Variants in IDH3B observed in about 807,000 individuals in gnomAD.
IDH3B encodes isocitrate dehydrogenase (NAD(+)) 3 non-catalytic subunit beta, also known as isocitrate dehydrogenase [NAD] subunit beta, mitochondrial.
Under a neutral mutation model 47.5 loss-of-function variants are expected in IDH3B, and 40 were observed. The observed-to-expected ratio is 0.84, with a 90% CI of 0.65 to 1.10. The LOEUF (loss-of-function observed/expected upper bound fraction) is 1.10, where lower values mean the gene tolerates loss of function less well. IDH3B is among the 50% of genes least tolerant of loss of function. The pLI is 0.00. For synonymous variants in IDH3B, 185 were observed against 191.0 expected (o/e 0.97, Z 0.26); for missense variants, 450 against 505.2 (o/e 0.89, Z 1.05).
At chr20:2,662,771 G>A (rs1419280218) in intron 4 of IDH3B, among the ~76,000 whole-genome samples, 1 of 152,142 alleles carries the variant, frequency 6.6e-6, no homozygotes, top group Non-Finnish European at 1.5e-5. Context: ...TGACCAACAT[G>A]GTGAAACCCC....
Position 2,660,234 on chromosome 20 carries a change from C to T in IDH3B, c.768+29G>A. 6.2e-7 allele frequency: 1 copy of T among 1,613,850 alleles called. No individual in the cohort carries two copies. Among genetic ancestry groups the T allele is most frequent in the Non-Finnish European group, 8.5e-7 (1 of 1,179,746 alleles). On this transcript the variant is annotated intron_variant, in intron 8 of 11. Transcript: ENST00000380843. The surrounding 1 kb of genome is among the most constrained non-coding windows in gnomAD (Gnocchi z 5.6). Reference sequence around the variant, plus strand: ...CCACTCCCCACCCTCCTCCTCCGCCCCATGAGTAGAGATGTGGGGAGGCCT... The same window carrying T: ...CCACTCCCCACCCTCCTCCTCCGCCTCATGAGTAGAGATGTGGGGAGGCCT...
At chr20:2,661,202 T>TGC (rs1555781475) in intron 4 of IDH3B, among the ~76,000 whole-genome samples, 28 of 151,202 alleles carry the variant, frequency 1.9e-4, no homozygotes, top group East Asian at 1.6e-3. Flanking sequence ...TGTGTGTGTG[T>TGC]GCGTGTGTGA....
At chr20:2,661,484 A>G (rs2086947706) in intron 4 of IDH3B, among the ~76,000 whole-genome samples, 1 of 152,156 alleles carries the variant, frequency 6.6e-6, no homozygotes, top group South Asian at 2.1e-4. Flanking sequence ...AACATATTTA[A>G]TTTATGTTGA....
chr20:2,658,476 G>A lies in IDH3B; in HGVS notation c.*275C>T. On this transcript the variant is annotated 3_prime_UTR_variant, in exon 12 of 12. Coordinates refer to ENST00000380843, the MANE Select transcript of IDH3B (RefSeq NM_006899.5). ...GGGCAAGGCAGCAATGACAGCCTCA[G>A]TGAAGTCATGGCAAGTAGCATAGCC... 10 of 1,614,050 alleles carry A rather than the reference G, an allele frequency of 6.2e-6. No individual in the cohort carries two copies. The highest frequency in any genetic ancestry group is 8.5e-6 in the Non-Finnish European group (10 of 1,180,002).
Position 2,663,520 on chromosome 20 carries a change from A to T in IDH3B, c.263T>A (p.Val88Glu). ...CTTCTCCTCAGATGCCATATTCTGC[A>T]CCTCACTCAGGTGGTGCTCCTGGAA... ...VEFQEHHLSEVQNMASEEKLE... is the reference protein window; with the variant it reads ...VEFQEHHLSEEQNMASEEKLE... Residue 88 changes from valine (V) to glutamate (E), a missense_variant, in exon 4 of 12, where the codon GTG becomes GAG. By Grantham distance (121) the Val-to-Glu change is moderately radical. Coordinates refer to ENST00000380843, the MANE Select transcript of IDH3B (RefSeq NM_006899.5). 4 of 1,614,156 alleles carry T rather than the reference A, an allele frequency of 2.5e-6. No individual in the cohort carries two copies. The highest frequency in any genetic ancestry group is 3.4e-6 in the Non-Finnish European group (4 of 1,180,002).
chr20:2,663,465 C>T lies in IDH3B; in HGVS notation c.318G>A (p.Glu106=). Residue 106 remains glutamate, a synonymous_variant, in exon 4 of 12, where the codon GAG becomes GAA. Transcript: ENST00000380843. Reference sequence around the variant, plus strand: ...ACATACCAATGATGGCCACTTTGTTCTCCTTCATGGAACTCAGCACCTGCT... The same window carrying T: ...ACATACCAATGATGGCCACTTTGTTTTCCTTCATGGAACTCAGCACCTGCT... ...KLEQVLSSMK[E]NKVAIIGKIH... is the part of the protein sequence containing the mutation. The T allele has an allele frequency of 5.6e-6, 9 of 1,614,204 alleles. No individual in the cohort carries two copies. The highest frequency in any genetic ancestry group is 7.6e-6 in the Non-Finnish European group (9 of 1,180,032).
chr20:2,660,474 G>A lies in IDH3B; in HGVS notation c.648C>T (p.Val216=), dbSNP rs866204355. ...TKKGRGKVTA[V]HKANIMKLGD... is the part of the protein sequence containing the mutation. The stretch of plus-strand genomic sequence containing the variant: ...CCCCTCACATGATGTTGGCCTTGTG[G>A]ACAGCAGTGACCTTGCCCCGCCCCT... Residue 216 remains valine (V), a synonymous_variant, in exon 7 of 12, where the codon GTC becomes GTT. Transcript: ENST00000380843. This position sits in a 1 kb window ranked among gnomAD's most constrained non-coding sequence, Gnocchi z 5.6. The A allele has an allele frequency of 2.5e-6, 4 of 1,613,760 alleles. No individual in the cohort carries two copies. In the Middle Eastern group the frequency reaches 4.9e-4, roughly 199 times the overall value.
rs760391135 is a variant in IDH3B, at chr20:2,663,788, G to T, written c.118-30C>A. ...ATTGGGGGAAGAGGGGAGAAGTAAA[G>T]ATAGAGCTGGGGCGGGAGCACGGAT... On this transcript the variant is annotated intron_variant, in intron 2 of 11. Transcript: ENST00000380843. 3 of 1,610,686 alleles carry T rather than the reference G, an allele frequency of 1.9e-6. No individual in the cohort carries two copies. In the African/African-American group the frequency reaches 4.0e-5, roughly 22 times the overall value.
In IDH3B at chr20:2,658,534, AATC is replaced by A. The variant is rs750932665; in HGVS notation, c.*214_*216del. Reference sequence around the variant, plus strand: ...TCAGAGGTTCGAACCTGTGGGGGAGAATCATCATCATCCATGTGGCCTGGGCTC... The same window carrying A: ...TCAGAGGTTCGAACCTGTGGGGGAGAATCATCATCCATGTGGCCTGGGCTC... On this transcript the variant is annotated 3_prime_UTR_variant, in exon 12 of 12. Coordinates refer to ENST00000380843, the MANE Select transcript of IDH3B (RefSeq NM_006899.5). The A allele has an allele frequency of 2.8e-4, 449 of 1,613,484 alleles. No homozygotes were observed. The highest frequency in any genetic ancestry group is 2.0e-3 in the Middle Eastern group (12 of 6,062).
At chr20:2,663,303 G>A (rs570649628) in intron 4 of IDH3B, 143 bp downstream of exon 4, 52 of 1,039,082 alleles carry the variant, frequency 5.0e-5, no homozygotes, top group Non-Finnish European at 7.4e-5. Context: ...GGCTCCCAAT[G>A]GGAAGGAACA....
At chr20:2,658,994 C>T (rs1385635723) in intron 11 of IDH3B, 157 bp from the exon 12 acceptor site, 9 of 1,470,660 alleles carry the variant, frequency 6.1e-6, no homozygotes, top group Non-Finnish European at 8.1e-6. Context: ...ATGGGAAGCA[C>T]ATGGACCTGC....
intron 4 of IDH3B, among the ~76,000 whole-genome samples, chr20:2,661,703 G>A (rs1288544525): frequency 4.6e-5 from 7 of 152,178 alleles, no homozygotes; most frequent in Admixed American, 2.6e-4. Context: ...TCCTGCCCTT[G>A]AGAAGCAAAC....
At chr20:2,662,012 T>C (rs1277363613) in intron 4 of IDH3B, among the ~76,000 whole-genome samples, 1 of 151,906 alleles carries the variant, frequency 6.6e-6, no homozygotes, top group African/African-American at 2.4e-5. Context: ...ATTGGAGTGA[T>C]GCATCTACAA....
rs2086911600 is a variant in IDH3B, at chr20:2,660,016, G to C, written c.915+14C>G. ...TGAGGTCAGAGGAAGGGCCGAGGGA[G>C]AAAGCAGCCTCACCGTCTCAAAGAC... On this transcript the variant is annotated intron_variant, in intron 9 of 11. Coordinates refer to ENST00000380843, the MANE Select transcript of IDH3B (RefSeq NM_006899.5). The surrounding 1 kb of genome is among the most constrained non-coding windows in gnomAD (Gnocchi z 5.6). 1 of 1,613,918 alleles carries C rather than the reference G, an allele frequency of 6.2e-7. No homozygotes were observed. The highest frequency in any genetic ancestry group is 8.5e-7 in the Non-Finnish European group (1 of 1,179,958).
At position 2,663,945 on chromosome 20, in the gene IDH3B, G is replaced by A. The variant is rs371841556; in HGVS notation, c.97C>T (p.His33Tyr). 27 of 1,614,020 alleles carry A rather than the reference G, an allele frequency of 1.7e-5. No individual in the cohort carries two copies. Among genetic ancestry groups the A allele is most frequent in the Non-Finnish European group, 2.2e-5 (26 of 1,180,016 alleles). Residue 33 changes from histidine (H) to tyrosine (Y), a missense_variant, in exon 2 of 12, where the codon CAC becomes TAC. His to Tyr is a moderately conservative substitution (Grantham distance 83). Transcript: ENST00000380843. Reference protein sequence around the residue: ...WRGLSTSAAAHAASRSQAEDV... With the variant: ...WRGLSTSAAAYAASRSQAEDV... ...CATACCTGGCTCCGCGATGCAGCGT[G>A]CGCCGCGGCCGAGGTACTCAGACCT... is the stretch of plus-strand genomic sequence containing the variant.
intron 4 of IDH3B, 139 bp downstream of exon 4, chr20:2,663,307 A>C: frequency 2.8e-6 from 3 of 1,070,014 alleles, no homozygotes; most frequent in Non-Finnish European, 4.3e-6. Flanking sequence ...CCCAATGGGA[A>C]GGAACAAATG....
In IDH3B at chr20:2,663,963, T is replaced by A. The variant is rs756206784; in HGVS notation, c.79A>T (p.Ser27Cys). The change falls in exon 2 of 12, where the codon AGT becomes TGT. Residue 27 changes from serine (S) to cysteine (C), a missense_variant. By Grantham distance (112) the Ser-to-Cys change is moderately radical. Transcript: ENST00000380843. ...AGNPGAWRGLSTSAAAHAASR... is the reference protein window; with the variant it reads ...AGNPGAWRGLCTSAAAHAASR... ...GCAGCGTGCGCCGCGGCCGAGGTAC[T>A]CAGACCTCTCCATGCCCCAGGGTTC... The A allele has an allele frequency of 6.2e-7, 1 of 1,614,112 alleles. No homozygotes were observed. The highest frequency in any genetic ancestry group is 1.3e-5 in the African/African-American group (1 of 75,028).
chr20:2,660,813 A>AT lies in IDH3B; in HGVS notation c.414dup (p.Phe139IlefsTer39). On this transcript the variant is annotated frameshift_variant, in exon 6 of 12. Coordinates refer to ENST00000380843, the MANE Select transcript of IDH3B (RefSeq NM_006899.5). LOFTEE classifies it high-confidence loss of function. This position sits in a 1 kb window ranked among gnomAD's most constrained non-coding sequence, Gnocchi z 5.6. ...GACTTCACATGGACTACGTTGGCAA[A>AT]TAAGTCCAACTTACGCCTGAGGGTG... is the stretch of plus-strand genomic sequence containing the variant. 6.2e-7 allele frequency: 1 copy of AT among 1,614,168 alleles called. No individual in the cohort carries two copies. Among genetic ancestry groups the AT allele is most frequent in the South Asian group, 1.1e-5 (1 of 91,076 alleles).
intron 3 of IDH3B, 29 bp downstream of exon 3, chr20:2,663,631 T>A (rs1241548685): frequency 6.2e-7 from 1 of 1,614,178 alleles, no homozygotes; most frequent in South Asian, 1.1e-5. Context: ...ACTACTGTCC[T>A]CTACTGTCTG....
Sources: gnomAD v4.1 joint callset for allele counts (sites outside exome capture counted in the v4.1 genomes callset) on GRCh38, gnomAD v4.1.1 for gene constraint, Gnocchi (gnomAD v3.1) non-coding constraint, MANE v1.5 for transcripts, NCBI Gene and HGNC (gene_info 2026-07-23, HGNC 2026-07-21) for gene names.